SLC4A10: variants seen among roughly 807,000 people sequenced by gnomAD.
SLC4A10 encodes the protein sodium-driven chloride bicarbonate exchanger.
SLC4A10 carries 42 observed loss-of-function variants against 137.7 expected under a neutral mutation model. The ratio of observed to expected loss-of-function variants is 0.30; its 90% CI spans 0.24 to 0.39. The LOEUF (loss-of-function observed/expected upper bound fraction) is 0.39. Among genes scored for constraint, SLC4A10 ranks in the 10% least tolerant of loss-of-function variants. SLC4A10 has a pLI of 1.00. For synonymous variants in SLC4A10, 474 were observed against 464.1 expected (o/e 1.02, Z -0.27); for missense variants, 925 against 1,355.0 (o/e 0.68, Z 4.98).
At chr2:161,730,236 CTT>C (rs2046680203) in intron 1 of SLC4A10, among the ~76,000 whole-genome samples, 1 of 152,096 alleles carries the variant, frequency 6.6e-6, no homozygotes, top group South Asian at 2.1e-4. Context: ...AAAGAGAAGA[CTT>C]AGGACTAACA....
At chr2:161,786,045 T>C (rs1179201448) in intron 2 of SLC4A10, among the ~76,000 whole-genome samples, 2 of 151,876 alleles carry the variant, frequency 1.3e-5, no homozygotes, top group Non-Finnish European at 1.5e-5. Context: ...TTATTGTATA[T>C]CTGTCTGTCT....
chr2:161,799,198 G>C (rs1030579281), intron 2 of SLC4A10, among the ~76,000 whole-genome samples: 1 of 151,360 alleles, frequency 6.6e-6, no homozygotes, highest in Non-Finnish European at 1.5e-5. Flanking sequence ...GAAAGGACTC[G>C]CTCCTTTAAT....
chr2:161,878,966 G>C (rs140608494), intron 8 of SLC4A10, among the ~76,000 whole-genome samples, 165 bp from the exon 9 acceptor site: 28 of 152,100 alleles, frequency 1.8e-4, no homozygotes, highest in African/African-American at 6.3e-4. Context: ...CACAAGTAAA[G>C]AAAAAAGGTT....
At chr2:161,713,110 AG>A (rs1229200271) in intron 1 of SLC4A10, among the ~76,000 whole-genome samples, 4 of 151,808 alleles carry the variant, frequency 2.6e-5, no homozygotes, top group Non-Finnish European at 2.9e-5. Context: ...AAAGGTAGGG[AG>A]GCAGAAAGCA....
intron 2 of SLC4A10, among the ~76,000 whole-genome samples, chr2:161,791,860 C>A (rs1397872780): frequency 6.6e-6 from 1 of 152,074 alleles, no homozygotes; most frequent in African/African-American, 2.4e-5. Context: ...TTTGAAAAAT[C>A]TAAATTATTT....
intron 21 of SLC4A10, among the ~76,000 whole-genome samples, chr2:161,963,595 G>A (rs762282080): frequency 2.2e-4 from 34 of 152,086 alleles, no homozygotes; most frequent in Non-Finnish European, 3.8e-4. Flanking sequence ...GTCAAAATAA[G>A]GAGGTTAAAA....
At chr2:161,839,260 G>T (rs576608330) in intron 3 of SLC4A10, among the ~76,000 whole-genome samples, 1 of 152,338 alleles carries the variant, frequency 6.6e-6, no homozygotes, top group Admixed American at 6.5e-5. Flanking sequence ...TTTTGCAAAG[G>T]CAAAGCTAGC....
chr2:161,915,962 C>T (rs192080266), intron 15 of SLC4A10, among the ~76,000 whole-genome samples: 2 of 152,024 alleles, frequency 1.3e-5, no homozygotes, highest in East Asian at 3.9e-4. Flanking sequence ...TATATGATGC[C>T]AAGAGAGTGA....
chr2:161,670,208 C>A (rs2039530246), intron 1 of SLC4A10, among the ~76,000 whole-genome samples: 1 of 151,800 alleles, frequency 6.6e-6, no homozygotes, highest in South Asian at 2.1e-4. Context: ...TGAGAAGGAG[C>A]CTTTTAAGTT....
intron 2 of SLC4A10, among the ~76,000 whole-genome samples, chr2:161,771,617 A>G (rs1362377452): frequency 2.0e-5 from 3 of 151,890 alleles, no homozygotes; most frequent in Non-Finnish European, 4.4e-5. Context: ...CCAGTTACTT[A>G]CCTTTTCTGA....
At chr2:161,745,713 C>T (rs145019058) in intron 1 of SLC4A10, among the ~76,000 whole-genome samples, 1 of 152,076 alleles carries the variant, frequency 6.6e-6, no homozygotes, top group African/African-American at 2.4e-5. Flanking sequence ...TTTTGAGAAG[C>T]CTTTCCAATT....
At chr2:161,932,863 G>A (rs1323808587) in intron 15 of SLC4A10, among the ~76,000 whole-genome samples, 1 of 151,974 alleles carries the variant, frequency 6.6e-6, no homozygotes, top group African/African-American at 2.4e-5. Flanking sequence ...ATGTGTCTAG[G>A]TCTGATCTTT....
intron 11 of SLC4A10, among the ~76,000 whole-genome samples, chr2:161,895,433 T>C (rs1355119002): frequency 3.9e-5 from 6 of 152,228 alleles, no homozygotes; most frequent in Admixed American, 1.3e-4. Context: ...TACCCAGTAA[T>C]GGGATGGCTG....
At chr2:161,955,685 T>A (rs542521490) in intron 19 of SLC4A10, among the ~76,000 whole-genome samples, 112 of 152,230 alleles carry the variant, frequency 7.4e-4, no homozygotes, top group African/African-American at 2.0e-3. Context: ...GAAAACAAAA[T>A]CACAGAGAAA....
intron 4 of SLC4A10, among the ~76,000 whole-genome samples, chr2:161,852,786 G>A (rs1253993380): frequency 6.6e-6 from 1 of 152,058 alleles, no homozygotes; most frequent in African/African-American, 2.4e-5. Flanking sequence ...ACTTAGAGTT[G>A]GATCCTGGCT....
At chr2:161,824,555 T>A (rs2125705966) in intron 3 of SLC4A10, among the ~76,000 whole-genome samples, 1 of 152,292 alleles carries the variant, frequency 6.6e-6, no homozygotes, top group South Asian at 2.1e-4. Flanking sequence ...AGAAACCATG[T>A]CAGAGGAATT....
At chr2:161,791,134 A>G (rs1332953348) in intron 2 of SLC4A10, among the ~76,000 whole-genome samples, 2 of 152,222 alleles carry the variant, frequency 1.3e-5, no homozygotes, top group African/African-American at 4.8e-5. Flanking sequence ...CCAAAGGAAT[A>G]TAAATCATTC....
intron 16 of SLC4A10, among the ~76,000 whole-genome samples, chr2:161,945,813 G>A (rs750466909): frequency 1.3e-5 from 2 of 151,832 alleles, no homozygotes; most frequent in Non-Finnish European, 2.9e-5. Flanking sequence ...TAGAGTGTAA[G>A]ACAGCTAAGG....
intron 1 of SLC4A10, among the ~76,000 whole-genome samples, chr2:161,747,734 T>C (rs1028810378): frequency 3.3e-5 from 5 of 152,198 alleles, no homozygotes; most frequent in African/African-American, 1.2e-4. Context: ...ATCTTGGCTA[T>C]TGTGAATGCT....
Sources: allele counts gnomAD v4.1 joint callset (sites outside exome capture counted in the v4.1 genomes callset), GRCh38; gene constraint gnomAD v4.1.1; transcripts MANE v1.5; gene names NCBI Gene and HGNC (gene_info 2026-07-23, HGNC 2026-07-21).